Variants in ZDHHC21 observed in about 807,000 individuals in gnomAD.
ZDHHC21 encodes zDHHC palmitoyltransferase 21, also known as palmitoyltransferase ZDHHC21.
Under a neutral mutation model 34.6 loss-of-function variants are expected in ZDHHC21, and 15 were observed. That is an observed-to-expected ratio of 0.43 (90% confidence interval 0.29 to 0.67). ZDHHC21 has a LOEUF of 0.67. Among genes scored for constraint, ZDHHC21 ranks in the 30% least tolerant of loss-of-function variants. ZDHHC21 has a pLI of 0.14. For synonymous variants in ZDHHC21, 142 were observed against 101.8 expected, an observed-to-expected ratio of 1.40 and a Z score of -2.38; for missense variants, 344 against 327.7, an observed-to-expected ratio of 1.05 and a Z score of -0.38.
chr9:14,638,770 C>A (rs942270663), intron 8 of ZDHHC21, among the ~76,000 whole-genome samples: 3 of 151,684 alleles, frequency 2.0e-5, no homozygotes, highest in Admixed American at 2.0e-4. Context: ...TGAAAAGTAC[C>A]ATCATTAATC....
At chr9:14,658,073 TTC>T (rs950351964) in intron 7 of ZDHHC21, among the ~76,000 whole-genome samples, 4 of 152,306 alleles carry the variant, frequency 2.6e-5, no homozygotes, top group African/African-American at 9.6e-5. Context: ...AGAAAAAAAG[TTC>T]TCTTTCTCAA....
chr9:14,658,892 AG>A lies in ZDHHC21; in HGVS notation c.366-6del. Reference sequence around the variant, plus strand: ...TCACCAACACAATTGTTAATCCTAAAGAAAAAAAATGAAAAAGAAACAATAT... The same window carrying A: ...TCACCAACACAATTGTTAATCCTAAAAAAAAAAATGAAAAAGAAACAATAT... On this transcript the variant is annotated splice_region_variant and splice_polypyrimidine_tract_variant and intron_variant, in intron 6 of 9. Transcript: ENST00000380916. 6.3e-7 allele frequency: 1 copy of A among 1,597,788 alleles called. No individual in the cohort carries two copies. Among genetic ancestry groups the A allele is most frequent in the African/African-American group, 1.4e-5 (1 of 73,738 alleles).
intron 7 of ZDHHC21, among the ~76,000 whole-genome samples, chr9:14,645,557 AC>A (rs1830150140): frequency 6.6e-6 from 1 of 152,096 alleles, no homozygotes; most frequent in South Asian, 2.1e-4. Flanking sequence ...TATAAACTGA[AC>A]CCAAAAAACA....
rs935988075 is a variant in ZDHHC21 at position 14,611,881 on chromosome 9, C to G, written c.*7085G>C. Reference sequence around the variant, plus strand: ...TTTTGTATCATTTAGTTGCTTTATTCTTACATATATGAAGTAGAATTTTTT... The same window carrying G: ...TTTTGTATCATTTAGTTGCTTTATTGTTACATATATGAAGTAGAATTTTTT... On this transcript the variant is annotated 3_prime_UTR_variant, in exon 10 of 10. Coordinates refer to ENST00000380916, the MANE Select transcript of ZDHHC21 (RefSeq NM_178566.6). 4 of 151,952 alleles carry G rather than the reference C, an allele frequency of 2.6e-5. No homozygotes were observed. The highest frequency in any genetic ancestry group is 9.7e-5 in the African/African-American group (4 of 41,400). The allele number at this position is 151,952 out of a possible 1,614,324, so 9.4% of individuals were successfully genotyped here. A position where few individuals can be genotyped will look rare whatever the true frequency, so the allele number is the denominator to read the frequency against.
At chr9:14,692,857 G>A (rs1043073567) in intron 1 of ZDHHC21, among the ~76,000 whole-genome samples, 1 of 152,066 alleles carries the variant, frequency 6.6e-6, no homozygotes, top group Non-Finnish European at 1.5e-5. Context: ...TGCGGGGAGA[G>A]AAACTGTAGT....
intron 7 of ZDHHC21, among the ~76,000 whole-genome samples, chr9:14,653,645 C>T (rs1471519501): frequency 6.6e-6 from 1 of 151,878 alleles, no homozygotes; most frequent in Non-Finnish European, 1.5e-5. Flanking sequence ...GAGTCTCATT[C>T]CCTACTCTAC....
intron 3 of ZDHHC21, among the ~76,000 whole-genome samples, chr9:14,678,782 G>A (rs1289096236): frequency 6.6e-6 from 1 of 151,964 alleles, no homozygotes; most frequent in Non-Finnish European, 1.5e-5. Context: ...TAGAGAAAAG[G>A]GAATGATCAA....
At chr9:14,652,569 G>C (rs1587148173) in intron 7 of ZDHHC21, among the ~76,000 whole-genome samples, 1 of 151,894 alleles carries the variant, frequency 6.6e-6, no homozygotes, top group South Asian at 2.1e-4. Flanking sequence ...TGGGGCACTT[G>C]CAAAGAAATT....
chr9:14,675,644 G>A (rs1020452808), intron 3 of ZDHHC21, among the ~76,000 whole-genome samples: 2 of 151,856 alleles, frequency 1.3e-5, no homozygotes, highest in Non-Finnish European at 2.9e-5. Flanking sequence ...GCTAGACACT[G>A]CAGATACAAT....
chr9:14,692,402 GTAACTTTACAATA>G (rs1839287476), intron 1 of ZDHHC21, among the ~76,000 whole-genome samples: 1 of 152,112 alleles, frequency 6.6e-6, no homozygotes, highest in African/African-American at 2.4e-5. Context: ...CCTTTGGACT[GTAACTTTACAATA>G]TAATTTATGA....
intron 8 of ZDHHC21, among the ~76,000 whole-genome samples, chr9:14,622,313 G>A (rs1489703059): frequency 1.3e-5 from 2 of 151,698 alleles, no homozygotes; most frequent in African/African-American, 2.4e-5. Context: ...CTTCTGATGG[G>A]TGATCTTACA....
chr9:14,657,227 A>G (rs543453685), intron 7 of ZDHHC21, among the ~76,000 whole-genome samples: 1 of 152,230 alleles, frequency 6.6e-6, no homozygotes, highest in South Asian at 2.1e-4. Flanking sequence ...TAAAATTTTC[A>G]TGAAAATTAA....
At chr9:14,603,477 TA>T in the ZDHHC21 span, among the ~76,000 whole-genome samples, 1 of 152,050 alleles carries the variant, frequency 6.6e-6, no homozygotes, top group African/African-American at 2.4e-5. Context: ...AAAAATGTGC[TA>T]AACAAAAAAT....
At chr9:14,671,171 C>T (rs181871638) in intron 5 of ZDHHC21, among the ~76,000 whole-genome samples, 2 of 152,110 alleles carry the variant, frequency 1.3e-5, no homozygotes, top group South Asian at 2.1e-4. Flanking sequence ...GTAAATACAT[C>T]ATTTTGTTTA....
At position 14,620,938 on chromosome 9, in the gene ZDHHC21, T is replaced by C. The variant is rs866847019; in HGVS notation, c.622-1256A>G. ...ATCCAGTGACAATTGTATTAATAAT[T>C]AACCTTTCTCTGCTCCGTTGCAATT... On this transcript the variant is annotated intron_variant, in intron 8 of 9. Transcript: ENST00000380916. 2.3e-4 allele frequency among the ~76,000 whole-genome samples: 35 copies of C among 152,182 alleles called. No homozygotes were observed. In the Middle Eastern group the frequency reaches 0.01, roughly 44 times the overall value.
chr9:14,689,470 T>C (rs1327780582), intron 2 of ZDHHC21, among the ~76,000 whole-genome samples: 1 of 152,146 alleles, frequency 6.6e-6, no homozygotes, highest in Admixed American at 6.5e-5. Flanking sequence ...CTATCAATGG[T>C]TTCAAGAATC....
intron 8 of ZDHHC21, among the ~76,000 whole-genome samples, chr9:14,628,765 G>T (rs116339591): frequency 0.011 from 1,725 of 152,072 alleles, 37 homozygotes; most frequent in African/African-American, 0.038. Flanking sequence ...TCACAAAACA[G>T]CAAACTTATT....
chr9:14,675,412 T>C (rs1836192418), intron 3 of ZDHHC21, among the ~76,000 whole-genome samples: 1 of 151,942 alleles, frequency 6.6e-6, no homozygotes, highest in African/African-American at 2.4e-5. Context: ...TAAAAATACA[T>C]ATTCCCAGAC....
intron 7 of ZDHHC21, among the ~76,000 whole-genome samples, chr9:14,645,060 G>C (rs2133771847): frequency 6.6e-6 from 1 of 152,036 alleles, no homozygotes; most frequent in Non-Finnish European, 1.5e-5. Context: ...TATCACTATG[G>C]TTTGTGGCTC....
Sources: gnomAD v4.1 joint callset for allele counts (sites outside exome capture counted in the v4.1 genomes callset) on GRCh38, gnomAD v4.1.1 for gene constraint, MANE v1.5 for transcripts, NCBI Gene and HGNC (gene_info 2026-07-23, HGNC 2026-07-21) for gene names.